The following SAMMSON variants were observed in gnomAD, a reference collection of about 807,000 sequenced individuals.
SAMMSON encodes the protein long intergenic non-protein coding RNA 1212.
chr3:70,414,392 A>G (rs541886730), intron 2 of SAMMSON, among the ~76,000 whole-genome samples: 31 of 152,286 alleles, frequency 2.0e-4, no homozygotes, highest in Admixed American at 1.5e-3. Context: ...AGTAACAAAT[A>G]TAAAAATGAA....
Position 70,101,459 on chromosome 3 carries a change from C to T in SAMMSON, n.507+29894C>T, listed in dbSNP as rs181071000. Among the ~76,000 whole-genome samples the T allele has an allele frequency of 9.2e-5, 14 of 151,932 alleles. No homozygotes were observed. The East Asian group carries it at 2.5e-3, about 27-fold the overall frequency. ...ATAATTATTATTTGATAATTTACCT[C>T]GTTGTTTACATATAGGTTTATTTTG... On this transcript the variant is annotated intron_variant and non_coding_transcript_variant, in intron 4 of 9. Transcript: ENST00000642114.
At chr3:70,402,045 T>C (rs1701145252) in intron 2 of SAMMSON, among the ~76,000 whole-genome samples, 1 of 152,158 alleles carries the variant, frequency 6.6e-6, no homozygotes, top group Non-Finnish European at 1.5e-5. Context: ...CCCTGTATGC[T>C]CTGTGGAAAT....
At chr3:70,052,431 A>G (rs1408360677) in intron 3 of SAMMSON, among the ~76,000 whole-genome samples, 1 of 152,118 alleles carries the variant, frequency 6.6e-6, no homozygotes, top group Non-Finnish European at 1.5e-5. Context: ...ATAGAAAAAA[A>G]TGGGAGAGTA....
At chr3:70,294,386 T>C (rs2106696041) in intron 7 of SAMMSON, among the ~76,000 whole-genome samples, 1 of 152,222 alleles carries the variant, frequency 6.6e-6, no homozygotes, top group African/African-American at 2.4e-5. Context: ...TTTATAAGCA[T>C]TCACTGCTGA....
chr3:70,126,138 C>G, intron 4 of SAMMSON: 1 of 1,264,068 alleles, frequency 7.9e-7, no homozygotes, highest in Non-Finnish European at 1.1e-6. Flanking sequence ...GTGGTGGGTA[C>G]ATATACTTGA....
chr3:70,301,642 A>G (rs1476369870), intron 7 of SAMMSON, among the ~76,000 whole-genome samples: 1 of 152,090 alleles, frequency 6.6e-6, no homozygotes, highest in Admixed American at 6.6e-5. Flanking sequence ...GTTTGCACAT[A>G]TTGGTCTAAC....
chr3:70,431,460 A>G (rs1019641262), intron 2 of SAMMSON, among the ~76,000 whole-genome samples: 4 of 151,984 alleles, frequency 2.6e-5, no homozygotes, highest in Non-Finnish European at 5.9e-5. Context: ...TCAGGATAGG[A>G]ATCTCTAAAA....
intron 3 of SAMMSON, among the ~76,000 whole-genome samples, chr3:70,033,853 A>G (rs2067074778): frequency 6.6e-6 from 1 of 152,130 alleles, no homozygotes; most frequent in South Asian, 2.1e-4. Context: ...ATGAATGACG[A>G]TGTCTTTAGC....
intron 2 of SAMMSON, chr3:70,425,145 A>G (rs1701351045): frequency 1.3e-5 from 2 of 152,226 alleles, no homozygotes; most frequent in African/African-American, 4.8e-5. Context: ...TGTTCTGACC[A>G]CTGTTTCCCA....
intron 9 of SAMMSON, among the ~76,000 whole-genome samples, chr3:70,362,804 C>CTT (rs11360944): frequency 7.5e-5 from 10 of 134,026 alleles, no homozygotes; most frequent in Admixed American, 3.0e-4. Context: ...GAAAGATCTG[C>CTT]TTTTTTTTTT....
intron 4 of SAMMSON, among the ~76,000 whole-genome samples, chr3:70,098,214 A>C (rs2067329679): frequency 2.6e-5 from 4 of 152,144 alleles, no homozygotes; most frequent in Admixed American, 2.6e-4. Flanking sequence ...CATCTTGTCC[A>C]AACCTTCTTG....
chr3:70,013,168 T>C (rs1300966588), intron 2 of SAMMSON, among the ~76,000 whole-genome samples: 1 of 152,168 alleles, frequency 6.6e-6, no homozygotes, highest in African/African-American at 2.4e-5. Context: ...ATGATGATGA[T>C]GATGGTGATA....
At chr3:70,105,817 T>C (rs1323566534) in intron 4 of SAMMSON, among the ~76,000 whole-genome samples, 1 of 152,162 alleles carries the variant, frequency 6.6e-6, no homozygotes, top group African/African-American at 2.4e-5. Flanking sequence ...TCCTTAGAGG[T>C]GAGAGAGAAG....
At chr3:70,330,822 A>G (rs1240098978) in intron 7 of SAMMSON, among the ~76,000 whole-genome samples, 1 of 152,174 alleles carries the variant, frequency 6.6e-6, no homozygotes, top group Non-Finnish European at 1.5e-5. Context: ...AATCATTTAA[A>G]TTTGTACACA....
chr3:70,250,411 TCACACACACA>T (rs61355248), intron 6 of SAMMSON, among the ~76,000 whole-genome samples: 247 of 124,962 alleles, frequency 2.0e-3, no homozygotes, highest in East Asian at 2.7e-3. Context: ...TTAATGAATC[TCACACACACA>T]CACACACACA....
At chr3:70,129,076 G>A (rs893135211) in intron 4 of SAMMSON, among the ~76,000 whole-genome samples, 1 of 152,118 alleles carries the variant, frequency 6.6e-6, no homozygotes, top group Non-Finnish European at 1.5e-5. Context: ...TAACAGAAAA[G>A]AGCAATTTCC....
chr3:70,136,676 C>T (rs2067507047), intron 4 of SAMMSON, among the ~76,000 whole-genome samples: 1 of 152,106 alleles, frequency 6.6e-6, no homozygotes, highest in Non-Finnish European at 1.5e-5. Flanking sequence ...CTGGTATAAA[C>T]TGAAAGTAGA....
chr3:70,022,440 A>G (rs903342096), intron 3 of SAMMSON, among the ~76,000 whole-genome samples: 2 of 151,518 alleles, frequency 1.3e-5, no homozygotes, highest in Non-Finnish European at 1.5e-5. Flanking sequence ...AAAAAAAAAA[A>G]AAAAAAAAAA....
chr3:70,078,609 G>T (rs1360194672), intron 4 of SAMMSON, among the ~76,000 whole-genome samples: 3 of 152,110 alleles, frequency 2.0e-5, no homozygotes, highest in African/African-American at 7.2e-5. Flanking sequence ...CTACAGTTTT[G>T]CAGGCTCTTA....
Sources: gnomAD v4.1 joint callset for allele counts (sites outside exome capture counted in the v4.1 genomes callset) on GRCh38, gnomAD v4.1.1 for gene constraint, MANE v1.5 for transcripts, NCBI Gene and HGNC (gene_info 2026-07-23, HGNC 2026-07-21) for gene names.